ASB3: variants seen among roughly 807,000 people sequenced by gnomAD.
ASB3 encodes the protein ankyrin repeat and SOCS box protein 3.
A neutral mutation model predicts 54.5 loss-of-function variants in ASB3; 41 were observed. That is an observed-to-expected ratio of 0.75 (90% confidence interval 0.59 to 0.98). The LOEUF (loss-of-function observed/expected upper bound fraction) is 0.98. ASB3 is among the 50% of genes least tolerant of loss of function. The pLI, the probability that ASB3 is intolerant of heterozygous loss-of-function variation, is 0.00. For synonymous variants in ASB3, 266 were observed against 221.2 expected (o/e 1.20, Z -1.80); for missense variants, 733 against 620.0 (o/e 1.18, Z -1.94).
chr2:53,688,762 C>T (rs976304301), intron 9 of ASB3, among the ~76,000 whole-genome samples: 2 of 151,764 alleles, frequency 1.3e-5, no homozygotes, highest in African/African-American at 4.8e-5. Flanking sequence ...GGGAGGGGAA[C>T]ATCACACACT....
At chr2:53,757,591 G>C (rs1672906589) in intron 2 of ASB3, among the ~76,000 whole-genome samples, 1 of 152,122 alleles carries the variant, frequency 6.6e-6, no homozygotes, top group African/African-American at 2.4e-5. Context: ...GGTACTAATG[G>C]TTCAGACTTC....
At chr2:53,757,734 T>G (rs1672914901) in intron 2 of ASB3, among the ~76,000 whole-genome samples, 1 of 152,172 alleles carries the variant, frequency 6.6e-6, no homozygotes, top group African/African-American at 2.4e-5. Context: ...GATATACAGC[T>G]CTCAACATGG....
Position 53,670,529 on chromosome 2 carries a change from C to A in ASB3, c.1531G>T (p.Glu511Ter). The A allele has an allele frequency of 6.2e-7, 1 of 1,613,768 alleles. No homozygotes were observed. The highest frequency in any genetic ancestry group is 1.1e-5 in the South Asian group (1 of 91,026). ...TATCCATCTTGAATAGCTGCCAGTT[C>A]TGGAACTTCATACATCCTCAGAACG... is the stretch of plus-strand genomic sequence containing the variant. ...EDVLRMYEVP[E>*]LAAIQDG Residue 511 changes from glutamate to a stop codon, truncating the protein, a stop_gained, in exon 10 of 10, where the codon GAA becomes TAA. Coordinates refer to ENST00000263634, the MANE Select transcript of ASB3 (RefSeq NM_016115.5). LOFTEE classifies it high-confidence loss of function.
intron 3 of ASB3, among the ~76,000 whole-genome samples, chr2:53,750,197 T>C (rs1011139687): frequency 1.3e-5 from 2 of 152,022 alleles, no homozygotes; most frequent in Non-Finnish European, 2.9e-5. Flanking sequence ...TGGGACACAA[T>C]GTCCCTGAAG....
intron 2 of ASB3, among the ~76,000 whole-genome samples, chr2:53,764,649 C>G (rs1245079450): frequency 6.6e-6 from 1 of 152,110 alleles, no homozygotes; most frequent in Non-Finnish European, 1.5e-5. Flanking sequence ...AACTAGCTGT[C>G]CAGAGGGAAG....
At chr2:53,711,403 A>G (rs1251002232) in intron 7 of ASB3, among the ~76,000 whole-genome samples, 1 of 152,208 alleles carries the variant, frequency 6.6e-6, no homozygotes, top group Non-Finnish European at 1.5e-5. Context: ...ACAACTGGTC[A>G]ATTAATGTTA....
At chr2:53,727,543 G>A (rs1671070559) in intron 5 of ASB3, among the ~76,000 whole-genome samples, 1 of 152,092 alleles carries the variant, frequency 6.6e-6, no homozygotes, top group Non-Finnish European at 1.5e-5. Context: ...GGCTAAAGGG[G>A]CAAAATCGCT....
chr2:53,783,070 G>A (rs1004350163), intron 1 of ASB3, among the ~76,000 whole-genome samples: 1 of 151,758 alleles, frequency 6.6e-6, no homozygotes, highest in Non-Finnish European at 1.5e-5. Context: ...ACTATGCCCC[G>A]CCAAGAATTT....
At chr2:53,727,197 G>T (rs1231985073) in intron 5 of ASB3, among the ~76,000 whole-genome samples, 1 of 152,112 alleles carries the variant, frequency 6.6e-6, no homozygotes, top group African/African-American at 2.4e-5. Flanking sequence ...TAATTTTGGG[G>T]ATTCCTCTTA....
intron 1 of ASB3, among the ~76,000 whole-genome samples, chr2:53,772,227 T>G (rs1673977725): frequency 6.6e-6 from 1 of 152,004 alleles, no homozygotes; most frequent in African/African-American, 2.4e-5. Flanking sequence ...CAGGCTGGAG[T>G]GCAGTGGCGC....
intron 7 of ASB3, among the ~76,000 whole-genome samples, chr2:53,701,367 T>C (rs1197649018): frequency 6.6e-6 from 1 of 152,356 alleles, no homozygotes; most frequent in East Asian, 1.9e-4. Context: ...ATTATCTCCA[T>C]TGTAGATGCA....
intron 8 of ASB3, among the ~76,000 whole-genome samples, chr2:53,699,175 G>C (rs953189467): frequency 1.3e-5 from 2 of 152,172 alleles, no homozygotes; most frequent in African/African-American, 4.8e-5. Flanking sequence ...ATCAGCTCCA[G>C]TCTCTCTTCT....
chr2:53,688,790 G>A (rs190582398), intron 9 of ASB3, among the ~76,000 whole-genome samples: 8 of 152,166 alleles, frequency 5.3e-5, no homozygotes, highest in African/African-American at 1.9e-4. Flanking sequence ...GTTGGGAGGT[G>A]GGGGGCTAGG....
At chr2:53,709,741 G>A (rs1486830470) in intron 7 of ASB3, among the ~76,000 whole-genome samples, 2 of 152,148 alleles carry the variant, frequency 1.3e-5, no homozygotes, top group African/African-American at 4.8e-5. Context: ...TAGCCTCCAA[G>A]ATGGCCCCCA....
chr2:53,716,537 C>A, intron 6 of ASB3, 29 bp downstream of exon 6: 1 of 1,597,074 alleles, frequency 6.3e-7, no homozygotes, highest in Non-Finnish European at 8.6e-7. Flanking sequence ...ATTAAGAGAC[C>A]ATGTTTATTT....
At position 53,683,585 on chromosome 2, in the gene ASB3, A is replaced by C. The variant is rs1299211800; in HGVS notation, c.1369+10299T>G. On this transcript the variant is annotated intron_variant, in intron 9 of 9. Transcript: ENST00000263634. ...CTTCTTTAAATATTTGGTAAAATTC[A>C]GCAGTGAAGCCATCAGGTCCTGAAC... Among the ~76,000 whole-genome samples, 3 of 152,294 alleles carry C rather than the reference A, an allele frequency of 2.0e-5. No homozygotes were observed. In the East Asian group the frequency reaches 5.8e-4, roughly 29 times the overall value.
intron 5 of ASB3, among the ~76,000 whole-genome samples, chr2:53,720,512 T>C (rs1390570793): frequency 6.6e-6 from 1 of 152,142 alleles, no homozygotes; most frequent in African/African-American, 2.4e-5. Flanking sequence ...GGTAATTACA[T>C]AATGATAAAG....
At chr2:53,745,753 G>C (rs1319647489) in intron 3 of ASB3, among the ~76,000 whole-genome samples, 1 of 152,120 alleles carries the variant, frequency 6.6e-6, no homozygotes, top group Non-Finnish European at 1.5e-5. Flanking sequence ...CCTTGAGGGA[G>C]AGAAACAAAA....
intron 7 of ASB3, among the ~76,000 whole-genome samples, chr2:53,705,791 A>ATAAT: frequency 6.6e-6 from 1 of 151,756 alleles, no homozygotes; most frequent in South Asian, 2.1e-4. Flanking sequence ...TTCTGTGTGG[A>ATAAT]TAATTTCTTT....
Sources: gnomAD v4.1 joint callset for allele counts (sites outside exome capture counted in the v4.1 genomes callset) on GRCh38, gnomAD v4.1.1 for gene constraint, MANE v1.5 for transcripts, NCBI Gene and HGNC (gene_info 2026-07-23, HGNC 2026-07-21) for gene names.